TNS1: variants seen among roughly 807,000 people sequenced by gnomAD.
TNS1 encodes tensin 1, also known as tensin-1.
A neutral mutation model predicts 168.6 loss-of-function variants in TNS1; 62 were observed. That is an observed-to-expected ratio of 0.37 (90% CI 0.30 to 0.45). The LOEUF is 0.45. Among genes scored for constraint, TNS1 ranks in the 20% least tolerant of loss-of-function variants. The pLI, the probability that TNS1 is intolerant of heterozygous loss-of-function variation, is 1.00. For synonymous variants in TNS1, 934 were observed against 933.2 expected, an observed-to-expected ratio of 1.00 and a Z score of -0.02; for missense variants, 2,240 against 2,339.4, an observed-to-expected ratio of 0.96 and a Z score of 0.88.
chr2:218,010,040 T>A (rs1958691673), intron 1 of TNS1: 2 of 167,228 alleles, frequency 1.2e-5, no homozygotes, highest in Admixed American at 8.8e-5. Context: ...GAGGGAAGCG[T>A]CTGGGAGGGA....
intron 3 of TNS1, among the ~76,000 whole-genome samples, chr2:217,961,661 A>G (rs1957499824): frequency 6.6e-6 from 1 of 152,194 alleles, no homozygotes. Flanking sequence ...GACCTGAATG[A>G]TACACTTTCA....
intron 2 of TNS1, among the ~76,000 whole-genome samples, chr2:217,983,394 C>T (rs1228287848): frequency 1.3e-5 from 2 of 152,176 alleles, no homozygotes; most frequent in African/African-American, 4.8e-5. Context: ...GCCCCAGGAG[C>T]CCTATCTCTG....
At chr2:217,851,388 T>G (rs1337168029) in intron 18 of TNS1, among the ~76,000 whole-genome samples, 1 of 150,012 alleles carries the variant, frequency 6.7e-6, no homozygotes, top group East Asian at 2.0e-4. Flanking sequence ...CCAGCCATGT[T>G]ACAACACAGA....
At chr2:217,841,199 C>T (rs935556713) in intron 19 of TNS1, 16 of 984,102 alleles carry the variant, frequency 1.6e-5, no homozygotes, top group Admixed American at 6.2e-5. Context: ...AGCCACCCAC[C>T]AGAGAGGGAG....
chr2:217,908,155 A>G (rs1397567578), intron 4 of TNS1, among the ~76,000 whole-genome samples: 1 of 152,188 alleles, frequency 6.6e-6, no homozygotes, highest in Non-Finnish European at 1.5e-5. Flanking sequence ...CCCTCCTACC[A>G]GGGTGGATGT....
In TNS1 at chr2:217,950,242, A is replaced by G. The variant is rs900094585; in HGVS notation, c.186+28523T>C. Among the ~76,000 whole-genome samples the G allele has an allele frequency of 7.5e-4, 114 of 152,232 alleles. 1 individual carries two copies. Among genetic ancestry groups the G allele is most frequent in the Admixed American group, 3.9e-4 (6 of 15,284 alleles). ...AATAAAAAACACAGCAAGCACCATCAGCACCTTGAAAAAATTGTCTTGGGA... is the reference window on the plus strand; with the variant it reads ...AATAAAAAACACAGCAAGCACCATCGGCACCTTGAAAAAATTGTCTTGGGA... On this transcript the variant is annotated intron_variant, in intron 3 of 32. Coordinates refer to ENST00000682258, the MANE Select transcript of TNS1 (RefSeq NM_001387777.1).
At position 217,804,290 on chromosome 2, in the gene TNS1, T is replaced by TCTCTCTCTC. The variant is rs1937985444; in HGVS notation, c.*168_*169insGAGAGAGAG. 7 of 504,782 alleles carry TCTCTCTCTC rather than the reference T, an allele frequency of 1.4e-5. No individual in the cohort carries two copies. The highest frequency in any genetic ancestry group is 1.1e-4 in the Admixed American group (3 of 26,662). The allele number at this position is 504,782 out of a possible 1,614,324, so 31.3% of individuals were successfully genotyped here. A position where few individuals can be genotyped will look rare whatever the true frequency, so the allele number is the denominator to read the frequency against. ...TCTCTCTCTCTCTCTCTCTCTCTCTTTTCCCCCTCCCCTCTGCAATTCACT... is the reference window on the plus strand; with the variant it reads ...TCTCTCTCTCTCTCTCTCTCTCTCTTCTCTCTCTCTTCCCCCTCCCCTCTGCAATTCACT... On this transcript the variant is annotated 3_prime_UTR_variant, in exon 33 of 33. Transcript: ENST00000682258.
intron 22 of TNS1, chr2:217,830,142 G>A (rs765235321): frequency 4.0e-5 from 18 of 449,280 alleles, no homozygotes; most frequent in Non-Finnish European, 5.3e-5. Context: ...AGGCATAGTT[G>A]AGTCCCCGGC....
At chr2:217,918,932 G>A (rs1955425291) in intron 4 of TNS1, among the ~76,000 whole-genome samples, 1 of 152,152 alleles carries the variant, frequency 6.6e-6, no homozygotes, top group African/African-American at 2.4e-5. Flanking sequence ...CAGCACTGAG[G>A]CCCGGGAGAG....
chr2:217,828,671 T>C (rs1251669008), intron 22 of TNS1, among the ~76,000 whole-genome samples: 2 of 152,204 alleles, frequency 1.3e-5, no homozygotes, highest in African/African-American at 4.8e-5. Flanking sequence ...CCCTCTCTGC[T>C]TCCCTGGTGC....
At chr2:217,882,984 C>T (rs539256634) in intron 16 of TNS1, among the ~76,000 whole-genome samples, 70 of 152,108 alleles carry the variant, frequency 4.6e-4, no homozygotes, top group Non-Finnish European at 6.6e-4. Flanking sequence ...TTTATAGCGA[C>T]GGAGTTTTGC....
chr2:217,805,528 C>CCACATACAT (rs1938575154), intron 32 of TNS1, among the ~76,000 whole-genome samples: 1 of 45,944 alleles, frequency 2.2e-5, no homozygotes, highest in African/African-American at 7.9e-5. Context: ...ACACACACCA[C>CCACATACAT]ACACACCACA....
At chr2:217,907,283 T>C in intron 4 of TNS1, 32 bp from the exon 5 acceptor site, 1 of 702,862 alleles carries the variant, frequency 1.4e-6, no homozygotes, top group Non-Finnish European at 2.6e-6. Flanking sequence ...GCATGAGCCC[T>C]TAGGGCAGAC....
At chr2:217,870,004 T>C (rs1247961162) in intron 18 of TNS1, among the ~76,000 whole-genome samples, 1 of 152,200 alleles carries the variant, frequency 6.6e-6, no homozygotes, top group Non-Finnish European at 1.5e-5. Context: ...CCAGAGCAAT[T>C]GTGTGAGGAA....
chr2:217,905,375 G>GC (rs1361580156), intron 6 of TNS1: 2 of 452,416 alleles, frequency 4.4e-6, no homozygotes, highest in Non-Finnish European at 8.9e-6. Flanking sequence ...TCCATGGGAT[G>GC]CTGCCGCTTT....
intron 1 of TNS1, among the ~76,000 whole-genome samples, chr2:217,994,621 C>A (rs1206875218): frequency 6.6e-6 from 1 of 152,206 alleles, no homozygotes; most frequent in Non-Finnish European, 1.5e-5. Flanking sequence ...CAGAAGAGAG[C>A]CCTGGCAGCC....
At chr2:217,839,218 G>C (rs1434476684) in intron 19 of TNS1, among the ~76,000 whole-genome samples, 1 of 152,170 alleles carries the variant, frequency 6.6e-6, no homozygotes, top group Non-Finnish European at 1.5e-5. Context: ...GAAAGGAAGA[G>C]AAGCTCCCAG....
intron 1 of TNS1, among the ~76,000 whole-genome samples, chr2:218,009,700 G>A (rs1014612080): frequency 2.0e-5 from 3 of 152,190 alleles, no homozygotes; most frequent in African/African-American, 7.2e-5. Context: ...GGGATCGGGG[G>A]ACAGGGGGCA....
At chr2:217,908,779 G>A (rs906747089) in intron 4 of TNS1, among the ~76,000 whole-genome samples, 1 of 152,114 alleles carries the variant, frequency 6.6e-6, no homozygotes, top group Non-Finnish European at 1.5e-5. Flanking sequence ...AGCTGGGGAC[G>A]GTAGAGGGAC....
Sources: gnomAD v4.1 joint callset for allele counts (sites outside exome capture counted in the v4.1 genomes callset) on GRCh38, gnomAD v4.1.1 for gene constraint, MANE v1.5 for transcripts, NCBI Gene and HGNC (gene_info 2026-07-23, HGNC 2026-07-21) for gene names.